Variants in ANO4 observed in about 807,000 individuals in gnomAD.
ANO4 encodes the protein anoctamin-4.
A neutral mutation model predicts 141.9 loss-of-function variants in ANO4; 69 were observed. That is an observed-to-expected ratio of 0.49 (90% CI 0.40 to 0.59). The LOEUF (loss-of-function observed/expected upper bound fraction) is 0.59. Ranked by LOEUF, ANO4 falls within the 20% of genes least tolerant of loss-of-function variation. The probability of loss-of-function intolerance (pLI) is 0.00; values close to 1 mark genes in which losing one functional copy is unlikely to be tolerated. For missense variants in ANO4, 894 were observed against 1,162.2 expected, an observed-to-expected ratio of 0.77 and a Z score of 3.36; for synonymous variants, 350 against 394.3, an observed-to-expected ratio of 0.89 and a Z score of 1.33.
At chr12:100,848,589 T>A (rs768957427) in intron 1 of ANO4, among the ~76,000 whole-genome samples, 74 of 152,232 alleles carry the variant, frequency 4.9e-4, no homozygotes, top group Non-Finnish European at 9.0e-4. Context: ...GTCTTTGGTG[T>A]CTTTGGGCTA....
intron 11 of ANO4, among the ~76,000 whole-genome samples, chr12:101,041,085 T>C (rs1167042507): frequency 1.3e-5 from 2 of 152,204 alleles, no homozygotes; most frequent in African/African-American, 4.8e-5. Context: ...GTTATTAAGA[T>C]TGGGTAATAA....
intron 3 of ANO4, among the ~76,000 whole-genome samples, chr12:100,780,336 A>G (rs932335502): frequency 2.0e-5 from 3 of 152,340 alleles, no homozygotes; most frequent in African/African-American, 7.2e-5. Context: ...AACGGGGTGC[A>G]GCAAAATGGC....
chr12:100,753,745 T>C (rs972364448), intron 3 of ANO4, among the ~76,000 whole-genome samples: 3 of 152,232 alleles, frequency 2.0e-5, no homozygotes, highest in African/African-American at 4.8e-5. Context: ...AAATTAGATA[T>C]CTAAATGAGA....
chr12:100,895,752 G>T (rs1020305784), intron 1 of ANO4, among the ~76,000 whole-genome samples: 1 of 151,886 alleles, frequency 6.6e-6, no homozygotes, highest in East Asian at 1.9e-4. Flanking sequence ...AGCAGAGATG[G>T]GGTTTCACCA....
intron 14 of ANO4, among the ~76,000 whole-genome samples, chr12:101,054,893 T>C (rs1335213316): frequency 6.6e-6 from 1 of 152,076 alleles, no homozygotes; most frequent in East Asian, 1.9e-4. Flanking sequence ...TGTTCTAGAA[T>C]TTCATGCAGA....
At chr12:101,000,895 T>G (rs1249571392) in intron 8 of ANO4, among the ~76,000 whole-genome samples, 7 of 152,254 alleles carry the variant, frequency 4.6e-5, no homozygotes, top group Admixed American at 4.6e-4. Context: ...TGGAAATATT[T>G]TATTACATTT....
rs569216879 is a variant in ANO4, at chr12:100,984,897, A to G, written c.603-2642A>G. On this transcript the variant is annotated intron_variant, in intron 7 of 27. Coordinates refer to ENST00000392977, the MANE Select transcript of ANO4 (RefSeq NM_001286615.2). Reference sequence around the variant, plus strand: ...CTGAAAGCTGCCATTTCACTCCTATAGAGTAGTTATGCCTGATTTTTTTTT... The same window carrying G: ...CTGAAAGCTGCCATTTCACTCCTATGGAGTAGTTATGCCTGATTTTTTTTT... Among the ~76,000 whole-genome samples, 19 of 146,478 alleles carry G rather than the reference A, an allele frequency of 1.3e-4. No homozygotes were observed. The South Asian group carries it at 4.0e-3, about 31-fold the overall frequency.
intron 1 of ANO4, among the ~76,000 whole-genome samples, chr12:100,809,190 C>T (rs986255841): frequency 1.3e-5 from 2 of 151,978 alleles, no homozygotes; most frequent in Non-Finnish European, 2.9e-5. Context: ...AGTTCCAGAC[C>T]CACCTGGCCA....
chr12:100,866,166 A>G (rs374706936), intron 1 of ANO4, among the ~76,000 whole-genome samples: 3 of 152,148 alleles, frequency 2.0e-5, no homozygotes, highest in East Asian at 1.9e-4. Flanking sequence ...TCCTCTCAGT[A>G]TATGTGCTTA....
At chr12:100,988,076 C>CG (rs1205045193) in intron 8 of ANO4, among the ~76,000 whole-genome samples, 4 of 152,178 alleles carry the variant, frequency 2.6e-5, no homozygotes, top group African/African-American at 9.6e-5. Context: ...TTTTGTTTTC[C>CG]GGTTTTTGTT....
intron 1 of ANO4, among the ~76,000 whole-genome samples, chr12:100,802,816 A>G (rs891915644): frequency 2.0e-5 from 3 of 152,156 alleles, no homozygotes; most frequent in Admixed American, 6.5e-5. Context: ...TTTGGCTGCT[A>G]TTATCTTCAC....
chr12:100,840,214 C>A (rs1019195363), intron 1 of ANO4, among the ~76,000 whole-genome samples: 2 of 152,124 alleles, frequency 1.3e-5, no homozygotes. Context: ...GGAATGACTT[C>A]AGTGCAATTA....
intron 7 of ANO4, among the ~76,000 whole-genome samples, chr12:100,975,262 T>C (rs1050110544): frequency 1.3e-5 from 2 of 151,822 alleles, no homozygotes; most frequent in African/African-American, 2.4e-5. Flanking sequence ...GGTGCACCCA[T>C]CACCTGAGCA....
At chr12:100,994,562 T>C (rs921273804) in intron 8 of ANO4, among the ~76,000 whole-genome samples, 1 of 152,218 alleles carries the variant, frequency 6.6e-6, no homozygotes, top group Non-Finnish European at 1.5e-5. Flanking sequence ...GTGCTAGATA[T>C]AGACAGAAAA....
chr12:100,972,951 T>C (rs2043995860), intron 6 of ANO4, among the ~76,000 whole-genome samples: 1 of 152,240 alleles, frequency 6.6e-6, no homozygotes. Flanking sequence ...TGAATAACAC[T>C]TCTGCATGCC....
chr12:101,040,600 G>A (rs954784353), intron 11 of ANO4, among the ~76,000 whole-genome samples: 2 of 150,442 alleles, frequency 1.3e-5, no homozygotes, highest in African/African-American at 4.8e-5. Flanking sequence ...AAGTGGAAAT[G>A]TATGTTTTTT....
chr12:100,786,781 AAGG>A (rs879655908), intron 3 of ANO4, among the ~76,000 whole-genome samples: 9 of 152,196 alleles, frequency 5.9e-5, no homozygotes, highest in Non-Finnish European at 1.0e-4. Context: ...TTATAATCTC[AAGG>A]AGAAGGAGAT....
chr12:100,968,724 G>A (rs1253619974), intron 5 of ANO4, among the ~76,000 whole-genome samples: 1 of 152,172 alleles, frequency 6.6e-6, no homozygotes, highest in Non-Finnish European at 1.5e-5. Flanking sequence ...GTATTGAAAA[G>A]CAAGCGGCAA....
intron 8 of ANO4, among the ~76,000 whole-genome samples, chr12:101,015,654 AT>A (rs1176633535): frequency 6.6e-6 from 1 of 152,196 alleles, no homozygotes; most frequent in East Asian, 1.9e-4. Flanking sequence ...ATTAGATGGT[AT>A]GTAGTGAAGA....
Sources: gnomAD v4.1 joint callset for allele counts (sites outside exome capture counted in the v4.1 genomes callset) on GRCh38, gnomAD v4.1.1 for gene constraint, MANE v1.5 for transcripts, NCBI Gene and HGNC (gene_info 2026-07-23, HGNC 2026-07-21) for gene names.